TBC1D26: variants seen among roughly 807,000 people sequenced by gnomAD.
The protein encoded by TBC1D26 is TBC1 domain family member 26, also known as TBC1 domain family, member 26.
In TBC1D26, 19 loss-of-function variants were observed where a neutral mutation model predicts 42.5. The ratio of observed to expected loss-of-function variants is 0.45; its 90% CI spans 0.31 to 0.66. The LOEUF is 0.66. TBC1D26 is among the 30% of genes least tolerant of loss of function. TBC1D26 has a pLI of 0.06. For synonymous variants in TBC1D26, 97 were observed against 123.5 expected, an observed-to-expected ratio of 0.79 and a Z score of 1.42; for missense variants, 228 against 332.6, an observed-to-expected ratio of 0.69 and a Z score of 2.45.
Position 15,738,845 on chromosome 17 carries a change from G to T in TBC1D26, c.497+15G>T. The T allele has an allele frequency of 6.2e-7, 1 of 1,611,698 alleles. No individual in the cohort carries two copies. ...TTCGGAGTCAAGTAAGGCCAATGGG[G>T]CTTGCAGGGGTCCCAGGGAAGATGG... On this transcript the variant is annotated intron_variant, in intron 8 of 14. Transcript: ENST00000437605.
At position 15,735,391 on chromosome 17, in the gene TBC1D26, C is replaced by G; in HGVS notation, c.43C>G (p.Gln15Glu). The change falls in exon 3 of 15, where the codon CAA becomes GAA. Residue 15 changes from glutamine to glutamate, a missense_variant. This residue lies in a region of TBC1D26 where 18 missense variants were observed against 22.5 expected (regional missense o/e 0.80). Transcript: ENST00000437605. ...CCCGTATAACCTGCCTGCCCAGGGG[C>G]AAGGCAATATCATCATTACTAAGTA... ...GDPYNLPAQG[Q>E]GNIIITKYEQ... The G allele has an allele frequency of 6.2e-7, 1 of 1,613,650 alleles. No individual in the cohort carries two copies. Among genetic ancestry groups the G allele is most frequent in the Non-Finnish European group, 8.5e-7 (1 of 1,179,804 alleles).
intron 9 of TBC1D26, chr17:15,740,546 C>T: frequency 8.5e-7 from 1 of 1,173,620 alleles, no homozygotes; most frequent in Non-Finnish European, 1.1e-6. Flanking sequence ...ATCCAATTTC[C>T]CCTTTGCCTG....
At chr17:15,744,083 T>A (rs115703228) in intron 14 of TBC1D26, among the ~76,000 whole-genome samples, 160 bp from the exon 15 acceptor site, 1 of 152,018 alleles carries the variant, frequency 6.6e-6, no homozygotes, top group Non-Finnish European at 1.5e-5. Flanking sequence ...CCTGACCCAC[T>A]GAGGGCAAGG....
Position 15,741,235 on chromosome 17 carries a change from C to T in TBC1D26, c.646+14C>T. On this transcript the variant is annotated intron_variant, in intron 10 of 14. Coordinates refer to ENST00000437605, the MANE Select transcript of TBC1D26 (RefSeq NM_001388465.1). ...AGTTGCTCGCTGGTGAGAGGCACTC[C>T]CTGTGGGTAGGTGGACAGCTGCCCC... The T allele has an allele frequency of 6.2e-7, 1 of 1,613,430 alleles. No individual in the cohort carries two copies. Among genetic ancestry groups the T allele is most frequent in the Non-Finnish European group, 8.5e-7 (1 of 1,179,882 alleles).
chr17:15,737,581 C>T (rs1008242429), intron 5 of TBC1D26, 58 bp downstream of exon 5: 33 of 1,604,176 alleles, frequency 2.1e-5, no homozygotes, highest in South Asian at 6.7e-5. Context: ...ATCGGGTGGT[C>T]GGTAAGGCAG....
At chr17:15,735,476 T>C (rs1967589379) in intron 3 of TBC1D26, 53 bp downstream of exon 3, 1 of 1,558,486 alleles carries the variant, frequency 6.4e-7, no homozygotes, top group Middle Eastern at 1.9e-4. Flanking sequence ...TCTCCCGCTG[T>C]GCCCTGGTCA....
intron 9 of TBC1D26, chr17:15,740,368 C>G: frequency 6.8e-7 from 1 of 1,469,672 alleles, no homozygotes; most frequent in Non-Finnish European, 9.0e-7. Flanking sequence ...ACGACCTTCC[C>G]CTCCTGGTGT....
chr17:15,739,661 G>A (rs1391755492), intron 8 of TBC1D26, among the ~76,000 whole-genome samples: 3 of 152,306 alleles, frequency 2.0e-5, no homozygotes, highest in Non-Finnish European at 4.4e-5. Context: ...GAACAGATCA[G>A]GATGGCCAGG....
At chr17:15,738,970 G>A (rs541205786) in intron 8 of TBC1D26, 140 bp downstream of exon 8, 135 of 1,252,162 alleles carry the variant, frequency 1.1e-4, no homozygotes, top group African/African-American at 7.1e-4. Flanking sequence ...GGGAGCAGCC[G>A]GCACCATGGA....
chr17:15,743,405 T>G lies in TBC1D26; in HGVS notation c.946T>G (p.Phe316Val). The stretch of plus-strand genomic sequence containing the variant: ...GCTTTCCTGGAGCACTGTCTGGGAG[T>G]TTCAGGAGCGACTCTCTCAGAGCTG... ...MKLSWSTVWE[F>V]QERLSQSWAL... is the part of the protein sequence containing the mutation. Residue 316 changes from phenylalanine to valine, a missense_variant, in exon 14 of 15, where the codon TTT (phenylalanine) becomes GTT (valine). Phe to Val is a conservative substitution (Grantham distance 50). Around this residue, in one of 5 missense-constraint regions of TBC1D26, gnomAD observed 130 missense variants for 168.5 expected, o/e 0.77. Transcript: ENST00000437605. 1 of 986,240 alleles carries G rather than the reference T, an allele frequency of 1.0e-6. No individual in the cohort carries two copies. The highest frequency in any genetic ancestry group is 1.2e-6 in the Non-Finnish European group (1 of 830,294). The allele number at this position is 986,240 out of a possible 1,614,324, so 61.1% of individuals were successfully genotyped here. A position where few individuals can be genotyped will look rare whatever the true frequency, so the allele number is the denominator to read the frequency against.
chr17:15,740,960 T>A, intron 9 of TBC1D26, 162 bp from the exon 10 acceptor site: 1 of 902,530 alleles, frequency 1.1e-6, no homozygotes. Context: ...TCAGTCCTCA[T>A]GTCCAGTGCC....
rs771648830 is a variant in TBC1D26, at chr17:15,741,161, ATCC to A, written c.594_596del (p.Leu199del). 14 of 1,613,360 alleles carry A rather than the reference ATCC, an allele frequency of 8.7e-6. No homozygotes were observed. In the East Asian group the frequency reaches 2.7e-4, roughly 31 times the overall value. The stretch of plus-strand genomic sequence containing the variant: ...CAGGGACCTGAGCCGCATCACTGCC[ATCC>A]TCCTCCTGTGTCTGCCAGAGGAAGA... On this transcript the variant is annotated inframe_deletion, in exon 10 of 15. Coordinates refer to ENST00000437605, the MANE Select transcript of TBC1D26 (RefSeq NM_001388465.1).
chr17:15,736,753 C>T (rs1277013965), intron 4 of TBC1D26, among the ~76,000 whole-genome samples: 4 of 152,288 alleles, frequency 2.6e-5, no homozygotes, highest in Non-Finnish European at 5.9e-5. Context: ...CCTTGCTGCC[C>T]TGGGTGTCTC....
chr17:15,740,179 G>T lies in TBC1D26; in HGVS notation c.546+31G>T, dbSNP rs2323800. 439 of 1,613,778 alleles carry T rather than the reference G, an allele frequency of 2.7e-4. 1 individual carries two copies. Among genetic ancestry groups the T allele is most frequent in the Middle Eastern group, 6.6e-4 (4 of 6,062 alleles). On this transcript the variant is annotated intron_variant, in intron 9 of 14. Coordinates refer to ENST00000437605, the MANE Select transcript of TBC1D26 (RefSeq NM_001388465.1). The stretch of plus-strand genomic sequence containing the variant: ...TATTCCCGGGCAGCGATATTCCTGG[G>T]ACATGTGCCCATATTCACAGGCATG...
At chr17:15,734,568 G>A (rs140368404) in intron 1 of TBC1D26, 2,588 of 152,518 alleles carry the variant, frequency 0.017, 37 homozygotes, top group Middle Eastern at 0.088. Context: ...CTCCTGCAGC[G>A]TCCCATTCTC....
At chr17:15,739,536 C>T (rs1967715139) in intron 8 of TBC1D26, among the ~76,000 whole-genome samples, 1 of 152,244 alleles carries the variant, frequency 6.6e-6, no homozygotes, top group Non-Finnish European at 1.5e-5. Context: ...CCCGCAGGAA[C>T]ATGGGTGGAT....
chr17:15,743,558 G>A (rs1253547120), intron 14 of TBC1D26, 42 bp downstream of exon 14: 34 of 888,660 alleles, frequency 3.8e-5, no homozygotes, highest in Non-Finnish European at 4.6e-5. Flanking sequence ...CACCCTCTGG[G>A]GCAGTCAATG....
At chr17:15,733,287 G>A (rs898409495) in intron 1 of TBC1D26, among the ~76,000 whole-genome samples, 6 of 151,972 alleles carry the variant, frequency 3.9e-5, no homozygotes, top group African/African-American at 1.2e-4. Flanking sequence ...CAGGCACGGG[G>A]TTTGTCCTTA....
intron 9 of TBC1D26, chr17:15,740,683 G>A (rs1597757260): frequency 9.2e-7 from 1 of 1,084,682 alleles, no homozygotes; most frequent in East Asian, 7.5e-5. Flanking sequence ...TGCCCACATG[G>A]AGGACCCAGC....
Sources: allele counts gnomAD v4.1 joint callset (sites outside exome capture counted in the v4.1 genomes callset), GRCh38; gene constraint gnomAD v4.1.1; regional missense constraint gnomAD v4.1.1; transcripts MANE v1.5; gene names NCBI Gene and HGNC (gene_info 2026-07-23, HGNC 2026-07-21).